Variants in USP12 observed in about 807,000 individuals in gnomAD.
USP12 encodes ubiquitin specific peptidase 12.
In USP12, 19 loss-of-function variants were observed where a neutral mutation model predicts 45.5. The observed-to-expected ratio is 0.42, with a 90% CI of 0.29 to 0.61. The LOEUF (loss-of-function observed/expected upper bound fraction) is 0.61. Ranked by LOEUF, USP12 falls within the 20% of genes least tolerant of loss-of-function variation. The probability of loss-of-function intolerance (pLI) is 0.22; values close to 1 mark genes in which losing one functional copy is unlikely to be tolerated. For missense variants in USP12, 242 were observed against 447.7 expected (o/e 0.54, Z 4.15); for synonymous variants, 149 against 148.8 (o/e 1.00, Z -0.01).
At chr13:27,169,747 T>C (rs1878499422) in intron 1 of USP12, among the ~76,000 whole-genome samples, 1 of 152,196 alleles carries the variant, frequency 6.6e-6, no homozygotes, top group Non-Finnish European at 1.5e-5. Flanking sequence ...AGCATACATT[T>C]ATTGTTTACC....
At position 27,073,196 on chromosome 13, in the gene USP12, G is replaced by A. The variant is rs76626173; in HGVS notation, c.932+1995C>T. Among the ~76,000 whole-genome samples the A allele has an allele frequency of 1.6e-3, 245 of 151,770 alleles. 8 individuals carry two copies. In the East Asian group the frequency reaches 0.041, roughly 26 times the overall value. ...ATGAGGCAATGAGAGTGAGACAGGA[G>A]AAAGAGTAAGACCCTGGGGTGGGGG... On this transcript the variant is annotated intron_variant, in intron 7 of 8. Coordinates refer to ENST00000282344, the MANE Select transcript of USP12 (RefSeq NM_182488.4).
At chr13:27,164,758 A>G (rs1304767158) in intron 1 of USP12, among the ~76,000 whole-genome samples, 1 of 152,158 alleles carries the variant, frequency 6.6e-6, no homozygotes, top group Admixed American at 6.5e-5. Context: ...ACAACTCTTC[A>G]CTTACTACTT....
chr13:27,092,836 T>C (rs553682552), intron 4 of USP12, among the ~76,000 whole-genome samples: 12 of 152,248 alleles, frequency 7.9e-5, no homozygotes, highest in African/African-American at 2.9e-4. Context: ...ACACCAAAAG[T>C]ATAATGCATG....
intron 1 of USP12, among the ~76,000 whole-genome samples, chr13:27,137,973 T>C (rs1718771435): frequency 6.6e-6 from 1 of 152,200 alleles, no homozygotes; most frequent in African/African-American, 2.4e-5. Context: ...AGAAAAAGCC[T>C]AGAGCCTTCA....
At chr13:27,121,093 T>C (rs1323759994) in intron 1 of USP12, among the ~76,000 whole-genome samples, 1 of 152,066 alleles carries the variant, frequency 6.6e-6, no homozygotes, top group African/African-American at 2.4e-5. Context: ...GAGATGAGCA[T>C]GAAGCCGAGA....
intron 8 of USP12, 115 bp downstream of exon 8, chr13:27,070,952 GACCC>G (rs1873222544): frequency 1.2e-6 from 1 of 816,442 alleles, no homozygotes; most frequent in Non-Finnish European, 1.9e-6. Context: ...ACAATCTATA[GACCC>G]AGACATTTGT....
intron 1 of USP12, among the ~76,000 whole-genome samples, chr13:27,140,641 T>C (rs1323813328): frequency 2.0e-5 from 3 of 152,180 alleles, no homozygotes; most frequent in Non-Finnish European, 4.4e-5. Flanking sequence ...AAAACTGAAG[T>C]CTTCTCTGTA....
At chr13:27,076,149 ACT>A (rs1428157769) in intron 6 of USP12, among the ~76,000 whole-genome samples, 2 of 152,102 alleles carry the variant, frequency 1.3e-5, no homozygotes, top group African/African-American at 2.4e-5. Context: ...GCAGGTACAG[ACT>A]GACAATAGGA....
intron 3 of USP12, among the ~76,000 whole-genome samples, chr13:27,103,504 G>C (rs1874966522): frequency 6.6e-6 from 1 of 150,800 alleles, no homozygotes; most frequent in African/African-American, 2.4e-5. Flanking sequence ...ATTTATTCTA[G>C]AATCAGTCTC....
chr13:27,137,401 CA>C (rs1331411123), intron 1 of USP12, among the ~76,000 whole-genome samples: 2 of 151,648 alleles, frequency 1.3e-5, no homozygotes, highest in African/African-American at 2.4e-5. Flanking sequence ...TATTAGTAAA[CA>C]AAAAAAATCA....
chr13:27,122,896 AT>A (rs1409136882), intron 1 of USP12, among the ~76,000 whole-genome samples: 1 of 151,998 alleles, frequency 6.6e-6, no homozygotes, highest in Non-Finnish European at 1.5e-5. Context: ...GATTGAGACC[AT>A]CCTGGCTAAC....
At chr13:27,107,722 A>C (rs1875211563) in intron 2 of USP12, among the ~76,000 whole-genome samples, 1 of 152,232 alleles carries the variant, frequency 6.6e-6, no homozygotes, top group Admixed American at 6.5e-5. Context: ...CTGCGATAAG[A>C]AATGTACAAT....
chr13:27,158,318 GA>G (rs1438956846), intron 1 of USP12, among the ~76,000 whole-genome samples: 2 of 152,332 alleles, frequency 1.3e-5, no homozygotes, highest in East Asian at 3.9e-4. Flanking sequence ...GAAAATGGAA[GA>G]GAGTCTCCTC....
At chr13:27,143,258 CAAA>C (rs1877154336) in intron 1 of USP12, among the ~76,000 whole-genome samples, 1 of 151,848 alleles carries the variant, frequency 6.6e-6, no homozygotes, top group Non-Finnish European at 1.5e-5. Context: ...TATCATGACA[CAAA>C]AAAGAAGTAG....
chr13:27,096,094 G>A (rs527863865), intron 3 of USP12, among the ~76,000 whole-genome samples: 7 of 152,278 alleles, frequency 4.6e-5, no homozygotes, highest in African/African-American at 1.4e-4. Context: ...TGGCATAACA[G>A]ATACTGAGAA....
chr13:27,070,795 C>T (rs1220848766), intron 8 of USP12, among the ~76,000 whole-genome samples: 2 of 152,082 alleles, frequency 1.3e-5, no homozygotes, highest in Non-Finnish European at 2.9e-5. Flanking sequence ...TCAGGTGATC[C>T]GCCCGCCTCA....
At chr13:27,093,492 T>A (rs1374291917) in intron 4 of USP12, among the ~76,000 whole-genome samples, 1 of 152,158 alleles carries the variant, frequency 6.6e-6, no homozygotes, top group Non-Finnish European at 1.5e-5. Context: ...TACACACTTA[T>A]TAGAATGGCC....
intron 6 of USP12, among the ~76,000 whole-genome samples, chr13:27,087,727 C>G (rs1411514263): frequency 7.9e-5 from 12 of 152,108 alleles, no homozygotes; most frequent in Admixed American, 7.2e-4. Context: ...TGAGCCTGAA[C>G]AGCTTGAGTC....
At chr13:27,112,337 G>A (rs1199961481) in intron 2 of USP12, among the ~76,000 whole-genome samples, 1 of 151,090 alleles carries the variant, frequency 6.6e-6, no homozygotes, top group Non-Finnish European at 1.5e-5. Context: ...CCAGGCTGGG[G>A]TGCAGTGGTA....
Sources: allele counts gnomAD v4.1 joint callset (sites outside exome capture counted in the v4.1 genomes callset), GRCh38; gene constraint gnomAD v4.1.1; transcripts MANE v1.5; gene names NCBI Gene and HGNC (gene_info 2026-07-23, HGNC 2026-07-21).